The following CSGALNACT1 variants were observed in gnomAD, a reference collection of about 807,000 sequenced individuals.
CSGALNACT1 encodes the protein beta4GalNAcT-1.
Under a neutral mutation model 51.0 loss-of-function variants are expected in CSGALNACT1, and 52 were observed. The observed-to-expected ratio is 1.02, with a 90% CI of 0.82 to 1.29. CSGALNACT1 has a LOEUF of 1.29. Ranked by LOEUF, CSGALNACT1 falls within the 50% of genes most tolerant of loss-of-function variation. The pLI is 0.00. For missense variants in CSGALNACT1, 935 were observed against 679.2 expected (o/e 1.38, Z -4.19); for synonymous variants, 341 against 254.4 (o/e 1.34, Z -3.24).
Position 19,449,092 on chromosome 8 carries a change from C to G in CSGALNACT1, c.852-9161G>C, listed in dbSNP as rs1407320953. On this transcript the variant is annotated intron_variant, in intron 5 of 9. Transcript: ENST00000454498. ...GTGTTAAGAAATGAGTGAATTTTGACTCTCAATCAAGCAATTGGGACCTAT... is the reference window on the plus strand; with the variant it reads ...GTGTTAAGAAATGAGTGAATTTTGAGTCTCAATCAAGCAATTGGGACCTAT... Among the ~76,000 whole-genome samples the G allele has an allele frequency of 3.9e-5, 6 of 152,220 alleles. 1 individual carries two copies. The highest frequency in any genetic ancestry group is 3.9e-4 in the Admixed American group (6 of 15,292).
chr8:19,712,183 G>A (rs1002276939), intron 1 of CSGALNACT1, among the ~76,000 whole-genome samples: 6 of 152,036 alleles, frequency 3.9e-5, no homozygotes, highest in Non-Finnish European at 5.9e-5. Flanking sequence ...GCGCCGCCAC[G>A]CCCGGCTAAT....
intron 4 of CSGALNACT1, among the ~76,000 whole-genome samples, chr8:19,460,623 T>C (rs974949347): frequency 1.3e-5 from 2 of 152,180 alleles, no homozygotes; most frequent in Non-Finnish European, 2.9e-5. Context: ...CAAGTGACAC[T>C]GTGTGGAGTT....
At chr8:19,484,951 T>C (rs1170615456) in intron 4 of CSGALNACT1, among the ~76,000 whole-genome samples, 5 of 152,192 alleles carry the variant, frequency 3.3e-5, no homozygotes, top group African/African-American at 1.2e-4. Flanking sequence ...GGTGGTCCTA[T>C]GCAAGCCAAG....
At chr8:19,613,313 C>A (rs966440930) in intron 1 of CSGALNACT1, among the ~76,000 whole-genome samples, 1 of 152,118 alleles carries the variant, frequency 6.6e-6, no homozygotes, top group African/African-American at 2.4e-5. Flanking sequence ...AGTTATTTAG[C>A]AATTATTCTA....
intron 3 of CSGALNACT1, among the ~76,000 whole-genome samples, chr8:19,560,456 C>T (rs1317805032): frequency 6.6e-6 from 1 of 152,054 alleles, no homozygotes; most frequent in Non-Finnish European, 1.5e-5. Flanking sequence ...AAAAGACATG[C>T]CACAGAGTAG....
At chr8:19,665,000 C>T (rs535782139) in intron 1 of CSGALNACT1, among the ~76,000 whole-genome samples, 2 of 152,220 alleles carry the variant, frequency 1.3e-5, no homozygotes, top group East Asian at 3.9e-4. Context: ...ATTCATGTAA[C>T]AAAAATGCAC....
chr8:19,747,470 T>C (rs536806139), intron 1 of CSGALNACT1, among the ~76,000 whole-genome samples: 7 of 152,302 alleles, frequency 4.6e-5, no homozygotes, highest in East Asian at 1.9e-4. Flanking sequence ...TACCCAGATA[T>C]ATTAATGGGG....
chr8:19,418,547 G>C (rs547986175), intron 8 of CSGALNACT1, 109 bp downstream of exon 7: 2 of 783,010 alleles, frequency 2.6e-6, no homozygotes, highest in South Asian at 1.4e-5. Context: ...AAACTACTAA[G>C]GGAATCATTG....
intron 4 of CSGALNACT1, among the ~76,000 whole-genome samples, chr8:19,488,021 TG>T (rs1296295979): frequency 6.6e-6 from 1 of 152,048 alleles, no homozygotes; most frequent in Non-Finnish European, 1.5e-5. Context: ...TGATACACTA[TG>T]GGGGTTTGCA....
chr8:19,560,752 A>G (rs772428113), intron 3 of CSGALNACT1, among the ~76,000 whole-genome samples: 6 of 152,238 alleles, frequency 3.9e-5, no homozygotes, highest in Non-Finnish European at 8.8e-5. Context: ...CACTTGGAAC[A>G]CAGGACAGAT....
At chr8:19,469,978 A>G (rs566082019) in intron 4 of CSGALNACT1, among the ~76,000 whole-genome samples, 118 of 152,296 alleles carry the variant, frequency 7.7e-4, no homozygotes, top group African/African-American at 2.7e-3. Flanking sequence ...GAATAAATGC[A>G]ATAGGGTAGA....
At chr8:19,662,065 CCCCCCCCCA>C (rs2058793945) in intron 1 of CSGALNACT1, among the ~76,000 whole-genome samples, 1 of 22,940 alleles carries the variant, frequency 4.4e-5, no homozygotes, top group African/African-American at 1.4e-4. Context: ...GTTGCCCCCA[CCCCCCCCCA>C]CCCCCCCCCC....
exon 4 of CSGALNACT1, chr8:19,505,500 G>A (rs769477297): frequency 3.7e-6 from 6 of 1,613,968 alleles, no homozygotes; most frequent in Non-Finnish European, 5.1e-6. Context: ...TTTCTCTGGG[G>A]GGCTCCTGTC....
At chr8:19,754,153 G>A (rs920817492) in intron 1 of CSGALNACT1, among the ~76,000 whole-genome samples, 5 of 151,860 alleles carry the variant, frequency 3.3e-5, no homozygotes, top group African/African-American at 4.8e-5. Flanking sequence ...TCAGCCTCCC[G>A]GGTAGCTAGG....
intron 3 of CSGALNACT1, among the ~76,000 whole-genome samples, chr8:19,554,341 T>C (rs2154086697): frequency 6.6e-6 from 1 of 152,302 alleles, no homozygotes; most frequent in East Asian, 1.9e-4. Context: ...TTATCATTTT[T>C]GGTACCTGGA....
At chr8:19,589,036 C>T (rs1229129894) in intron 3 of CSGALNACT1, among the ~76,000 whole-genome samples, 1 of 152,186 alleles carries the variant, frequency 6.6e-6, no homozygotes, top group African/African-American at 2.4e-5. Context: ...ACAAGCCTAT[C>T]CCAGGGTCAC....
chr8:19,625,715 C>G (rs146081300), intron 1 of CSGALNACT1, among the ~76,000 whole-genome samples: 2 of 152,064 alleles, frequency 1.3e-5, no homozygotes, highest in South Asian at 2.1e-4. Flanking sequence ...AGAAAATGTA[C>G]GAAAAAGAAG....
intron 4 of CSGALNACT1, among the ~76,000 whole-genome samples, chr8:19,474,642 G>A (rs1204700013): frequency 1.3e-5 from 2 of 152,018 alleles, no homozygotes; most frequent in African/African-American, 4.8e-5. Flanking sequence ...CCCGAGGTGG[G>A]TGGATCAATT....
intron 3 of CSGALNACT1, among the ~76,000 whole-genome samples, chr8:19,562,484 G>GAA (rs71304936): frequency 0.14 from 18,505 of 129,132 alleles, 1,583 homozygotes; most frequent in African/African-American, 0.27. Context: ...CTTCTGCACA[G>GAA]AAAAAAAAAA....
Sources: allele counts gnomAD v4.1 joint callset (sites outside exome capture counted in the v4.1 genomes callset), GRCh38; gene constraint gnomAD v4.1.1; transcripts MANE v1.5; gene names NCBI Gene and HGNC (gene_info 2026-07-23, HGNC 2026-07-21).